The following C10orf90 variants were observed in gnomAD, a reference collection of about 807,000 sequenced individuals.
C10orf90 encodes chromosome 10 open reading frame 90, also known as (E2-independent) E3 ubiquitin-conjugating enzyme FATS.
Under a neutral mutation model 62.5 loss-of-function variants are expected in C10orf90, and 56 were observed. The observed-to-expected ratio is 0.90, with a 90% CI of 0.72 to 1.12. The LOEUF is 1.12. Ranked by LOEUF, C10orf90 falls within the 50% of genes most tolerant of loss-of-function variation. The pLI, the probability that C10orf90 is intolerant of heterozygous loss-of-function variation, is 0.00. For synonymous variants in C10orf90, 386 were observed against 340.4 expected, an observed-to-expected ratio of 1.13 and a Z score of -1.47; for missense variants, 970 against 880.4, an observed-to-expected ratio of 1.10 and a Z score of -1.29.
At chr10:126,474,889 G>A (rs1171400370) in intron 4 of C10orf90, among the ~76,000 whole-genome samples, 1 of 152,206 alleles carries the variant, frequency 6.6e-6, no homozygotes, top group Non-Finnish European at 1.5e-5. Context: ...CGGCTCATTT[G>A]CTTTGTCCTC....
At chr10:126,634,445 T>C (rs779591739) in intron 2 of C10orf90, among the ~76,000 whole-genome samples, 9 of 152,098 alleles carry the variant, frequency 5.9e-5, no homozygotes, top group Non-Finnish European at 1.3e-4. Flanking sequence ...AAAACAGTGG[T>C]TACCAGAGCT....
At chr10:126,440,872 G>A (rs1181292082) in intron 7 of C10orf90, among the ~76,000 whole-genome samples, 1 of 152,140 alleles carries the variant, frequency 6.6e-6, no homozygotes, top group Non-Finnish European at 1.5e-5. Flanking sequence ...CACCCTGTGG[G>A]ACAGAAGAAT....
intron 1 of C10orf90, among the ~76,000 whole-genome samples, chr10:126,661,773 T>C (rs1846519816): frequency 6.6e-6 from 1 of 152,172 alleles, no homozygotes; most frequent in Non-Finnish European, 1.5e-5. Flanking sequence ...ATTTCCATTT[T>C]AGATAGTGTC....
chr10:126,443,190 C>A (rs1205412873), intron 7 of C10orf90, among the ~76,000 whole-genome samples: 1 of 151,868 alleles, frequency 6.6e-6, no homozygotes, highest in Non-Finnish European at 1.5e-5. Flanking sequence ...GATTGAAACA[C>A]ACACATACAC....
At chr10:126,467,378 C>T (rs1199412690) in intron 4 of C10orf90, among the ~76,000 whole-genome samples, 1 of 152,198 alleles carries the variant, frequency 6.6e-6, no homozygotes, top group Non-Finnish European at 1.5e-5. Context: ...TCAGGTGGGC[C>T]CTCGCAGGAC....
At chr10:126,519,474 A>C (rs942866514) in intron 2 of C10orf90, among the ~76,000 whole-genome samples, 5 of 152,116 alleles carry the variant, frequency 3.3e-5, no homozygotes, top group African/African-American at 1.2e-4. Flanking sequence ...TAATAATTAC[A>C]CTTACTCTCC....
intron 1 of C10orf90, among the ~76,000 whole-genome samples, chr10:126,668,998 G>C (rs1846691922): frequency 8.1e-6 from 1 of 123,664 alleles, no homozygotes; most frequent in African/African-American, 3.1e-5. Flanking sequence ...TTAAAATGAA[G>C]CTATGAACAA....
chr10:126,584,945 A>T (rs942742436), intron 2 of C10orf90, among the ~76,000 whole-genome samples: 1 of 151,476 alleles, frequency 6.6e-6, no homozygotes, highest in Non-Finnish European at 1.5e-5. Flanking sequence ...CACATGCACT[A>T]CCCCCACTAG....
chr10:126,656,717 A>C (rs1846402279), intron 1 of C10orf90, among the ~76,000 whole-genome samples: 2 of 152,236 alleles, frequency 1.3e-5, no homozygotes, highest in African/African-American at 4.8e-5. Context: ...CAAAGGGCAC[A>C]GGAGACTTTT....
intron 2 of C10orf90, among the ~76,000 whole-genome samples, chr10:126,636,077 A>G (rs1268801263): frequency 6.6e-6 from 1 of 152,194 alleles, no homozygotes; most frequent in Non-Finnish European, 1.5e-5. Context: ...ATGTGACATG[A>G]AGCCAGGGCT....
At chr10:126,497,464 G>A (rs1007379509) in intron 4 of C10orf90, among the ~76,000 whole-genome samples, 1 of 152,188 alleles carries the variant, frequency 6.6e-6, no homozygotes, top group African/African-American at 2.4e-5. Flanking sequence ...TCTTCACCAC[G>A]TTCTAAGAAT....
At chr10:126,469,324 A>G (rs151031442) in intron 4 of C10orf90, among the ~76,000 whole-genome samples, 95 of 152,358 alleles carry the variant, frequency 6.2e-4, no homozygotes, top group African/African-American at 2.2e-3. Flanking sequence ...CAGGAAGGGA[A>G]AGATTGTCTC....
chr10:126,435,425 G>T (rs932279576), intron 7 of C10orf90, among the ~76,000 whole-genome samples: 27 of 152,160 alleles, frequency 1.8e-4, no homozygotes, highest in African/African-American at 6.5e-4. Flanking sequence ...TCAGAGTCAG[G>T]TCACCATCTT....
intron 7 of C10orf90, among the ~76,000 whole-genome samples, chr10:126,441,992 A>G (rs1263817182): frequency 6.6e-6 from 1 of 152,096 alleles, no homozygotes; most frequent in East Asian, 1.9e-4. Context: ...CAAAAACAAA[A>G]AACAAAAAAC....
intron 2 of C10orf90, among the ~76,000 whole-genome samples, chr10:126,515,103 G>A (rs974323536): frequency 6.6e-6 from 1 of 152,168 alleles, no homozygotes; most frequent in Non-Finnish European, 1.5e-5. Context: ...ATACAGTCAC[G>A]CTCTGCATGA....
chr10:126,481,939 G>A (rs1479839207), intron 4 of C10orf90, among the ~76,000 whole-genome samples: 1 of 152,108 alleles, frequency 6.6e-6, no homozygotes, highest in Non-Finnish European at 1.5e-5. Flanking sequence ...CATTCCAGAG[G>A]GGTTCTTACC....
intron 7 of C10orf90, among the ~76,000 whole-genome samples, chr10:126,440,366 G>A (rs1236694383): frequency 6.6e-6 from 1 of 152,058 alleles, no homozygotes; most frequent in Non-Finnish European, 1.5e-5. Context: ...TCCCCTATCC[G>A]CCACAGCAGC....
At chr10:126,575,565 GA>G (rs570446562) in intron 2 of C10orf90, among the ~76,000 whole-genome samples, 19 of 148,240 alleles carry the variant, frequency 1.3e-4, no homozygotes, top group Middle Eastern at 3.4e-3. Flanking sequence ...CACAGAAATT[GA>G]AAAAAAAAAT....
intron 2 of C10orf90, among the ~76,000 whole-genome samples, chr10:126,557,947 A>G (rs965940639): frequency 6.6e-6 from 1 of 151,990 alleles, no homozygotes; most frequent in African/African-American, 2.4e-5. Flanking sequence ...GTGTTGAGTC[A>G]GGAACCTGGA....
Sources: gnomAD v4.1 joint callset for allele counts (sites outside exome capture counted in the v4.1 genomes callset) on GRCh38, gnomAD v4.1.1 for gene constraint, MANE v1.5 for transcripts, NCBI Gene and HGNC (gene_info 2026-07-23, HGNC 2026-07-21) for gene names.